NIBAN2: variants seen among roughly 807,000 people sequenced by gnomAD.
NIBAN2 encodes niban apoptosis regulator 2, also known as protein Niban 2.
In NIBAN2, 36 loss-of-function variants were observed where a neutral mutation model predicts 81.8. The ratio of observed to expected loss-of-function variants is 0.44; its 90% CI spans 0.34 to 0.58. NIBAN2 has a LOEUF of 0.58. NIBAN2 is among the 20% of genes least tolerant of loss of function. NIBAN2 has a pLI of 0.02. For missense variants in NIBAN2, 897 were observed against 1,014.1 expected (o/e 0.88, Z 1.57); for synonymous variants, 445 against 441.6 (o/e 1.01, Z -0.10).
At position 127,543,164 on chromosome 9, in the gene NIBAN2, G is replaced by A. The variant is rs534627323; in HGVS notation, c.56-11386C>T. On this transcript the variant is annotated intron_variant, in intron 1 of 13. Coordinates refer to ENST00000373312, the MANE Select transcript of NIBAN2 (RefSeq NM_022833.4). ...GGACTTCCAGTGCGAGATCATTCTC[G>A]ACTCTCAAAATGGCCCAGGGAGAAA... Among the ~76,000 whole-genome samples the A allele has an allele frequency of 2.4e-4, 36 of 152,290 alleles. No individual in the cohort carries two copies. In the South Asian group the frequency reaches 4.1e-3, roughly 18 times the overall value.
At chr9:127,569,833 G>A (rs544306787), upstream of NIBAN2, among the ~76,000 whole-genome samples, 1 of 152,374 alleles carries the variant, frequency 6.6e-6, no homozygotes, top group East Asian at 1.9e-4. Flanking sequence ...GGCGGCTTGG[G>A]GGACAGAGCA....
At chr9:127,523,924 G>T in intron 4 of NIBAN2, 78 bp from the exon 5 acceptor site, 1 of 1,494,196 alleles carries the variant, frequency 6.7e-7, no homozygotes, top group Non-Finnish European at 9.2e-7. Flanking sequence ...CTGATCCCTT[G>T]GCATCAGCTC....
intron 8 of NIBAN2, among the ~76,000 whole-genome samples, chr9:127,515,657 CA>C (rs1481877837): frequency 6.6e-6 from 1 of 151,656 alleles, no homozygotes; most frequent in East Asian, 1.9e-4. Flanking sequence ...GCCAACATGG[CA>C]AAACCCTGTC....
chr9:127,526,212 C>T (rs1837060062), intron 3 of NIBAN2, among the ~76,000 whole-genome samples: 1 of 151,878 alleles, frequency 6.6e-6, no homozygotes, highest in Admixed American at 6.6e-5. Flanking sequence ...CCATCCGGGC[C>T]AACATGGTGA....
In NIBAN2 at chr9:127,525,089, T is replaced by C. The variant is rs1041791062; in HGVS notation, c.390A>G (p.Gln130=). 6.8e-6 allele frequency: 11 copies of C among 1,614,034 alleles called. No homozygotes were observed. Among genetic ancestry groups the C allele is most frequent in the South Asian group, 1.1e-5 (1 of 91,088 alleles). The change falls in exon 4 of 14, where the codon CAA becomes CAG. Residue 130 remains glutamine (Q), a synonymous_variant. Transcript: ENST00000373312. ...AGYKILTSVD[Q]YLELIGNSLP... is the part of the protein sequence containing the mutation. ...AGGAGTTGCCAATGAGCTCCAGGTATTGGTCCACGGACGTGAGGATTTTGT... is the reference window on the plus strand; with the variant it reads ...AGGAGTTGCCAATGAGCTCCAGGTACTGGTCCACGGACGTGAGGATTTTGT...
chr9:127,527,560 G>T (rs563779127), intron 2 of NIBAN2, among the ~76,000 whole-genome samples: 3 of 152,212 alleles, frequency 2.0e-5, no homozygotes, highest in Non-Finnish European at 4.4e-5. Flanking sequence ...AGGCAGGGTG[G>T]TGATGCCAGG....
chr9:127,525,485 A>G (rs1837046116), intron 3 of NIBAN2, among the ~76,000 whole-genome samples: 1 of 152,162 alleles, frequency 6.6e-6, no homozygotes, highest in Admixed American at 6.5e-5. Flanking sequence ...AATATTCAGG[A>G]TGGGGAAAAC....
At chr9:127,575,778 C>T (rs893184085) in intron 1 of NIBAN2, among the ~76,000 whole-genome samples, 1 of 152,128 alleles carries the variant, frequency 6.6e-6, no homozygotes, top group Non-Finnish European at 1.5e-5. Flanking sequence ...GATCCGCCCG[C>T]CTTGGCTCCC....
intron 1 of NIBAN2, among the ~76,000 whole-genome samples, chr9:127,552,218 G>T (rs753784066): frequency 6.6e-6 from 1 of 152,170 alleles, no homozygotes; most frequent in African/African-American, 2.4e-5. Flanking sequence ...CAAACCATGC[G>T]GAATCAATGG....
rs574705265 is a variant in NIBAN2, at chr9:127,523,684, T to C, written c.584A>G (p.Asn195Ser). The change falls in exon 5 of 14, where the codon AAC (asparagine) becomes AGC (serine). Residue 195 changes from asparagine (N) to serine (S), a missense_variant. Coordinates refer to ENST00000373312, the MANE Select transcript of NIBAN2 (RefSeq NM_022833.4). ...TGCACCCACAGGCCACTCACCATTGTTGCAGTGCCGGATGCAGTCCTGCAG... is the reference window on the plus strand; with the variant it reads ...TGCACCCACAGGCCACTCACCATTGCTGCAGTGCCGGATGCAGTCCTGCAG... ...AVLQDCIRHC[N>S]NGIPEDSKVE... 1.2e-6 allele frequency: 2 copies of C among 1,610,100 alleles called. No homozygotes were observed. Among genetic ancestry groups the C allele is most frequent in the South Asian group, 1.1e-5 (1 of 91,018 alleles).
intron 8 of NIBAN2, among the ~76,000 whole-genome samples, 181 bp from the exon 9 acceptor site, chr9:127,510,514 G>A (rs1242021485): frequency 1.3e-5 from 2 of 152,168 alleles, no homozygotes; most frequent in African/African-American, 4.8e-5. Flanking sequence ...TCAGCTCACT[G>A]CAACCTCCAC....
Position 127,510,448 on chromosome 9 carries a change from T to A in NIBAN2, c.974-115A>T, listed in dbSNP as rs185865419. 255 of 676,858 alleles carry A rather than the reference T, an allele frequency of 3.8e-4. 3 individuals are homozygous for A. The highest frequency in any genetic ancestry group is 1.1e-3 in the South Asian group (24 of 21,454). 41.9% of individuals were successfully genotyped at this position (676,858 alleles called of 1,614,324 possible). On this transcript the variant is annotated intron_variant, in intron 8 of 13. Coordinates refer to ENST00000373312, the MANE Select transcript of NIBAN2 (RefSeq NM_022833.4). ...ACTATTATTATCATTATTATTATAT[T>A]TTTTTTGAGACGGAGTCTCGCTCTG... is the stretch of plus-strand genomic sequence containing the variant.
chr9:127,525,224 C>T, intron 3 of NIBAN2, 61 bp from the exon 4 acceptor site: 3 of 1,349,566 alleles, frequency 2.2e-6, no homozygotes, highest in Non-Finnish European at 3.2e-6. Context: ...CAAATCCCAC[C>T]TGGCTTCAAG....
At chr9:127,569,952 G>A (rs1421711808), upstream of NIBAN2, among the ~76,000 whole-genome samples, 1 of 152,202 alleles carries the variant, frequency 6.6e-6, no homozygotes, top group African/African-American at 2.4e-5. Context: ...TGGGTGGGTC[G>A]CAGTGCCAGG....
intron 1 of NIBAN2, among the ~76,000 whole-genome samples, chr9:127,539,156 A>G (rs986556723): frequency 1.3e-5 from 2 of 151,974 alleles, no homozygotes; most frequent in African/African-American, 4.8e-5. Flanking sequence ...AAAAGAAAGG[A>G]AGAAAAGTGA....
In NIBAN2 at chr9:127,511,906, C is replaced by T. The variant is rs544114457; in HGVS notation, c.974-1573G>A. 7.8e-4 allele frequency among the ~76,000 whole-genome samples: 119 copies of T among 152,246 alleles called. 1 individual carries two copies. The highest frequency in any genetic ancestry group is 3.4e-3 in the Middle Eastern group (1 of 294). ...AAACTACAATGAGATGCCACGTCAC[C>T]CCAGTTAAAATGGCTTTATCCAAAA... On this transcript the variant is annotated intron_variant, in intron 8 of 13. Coordinates refer to ENST00000373312, the MANE Select transcript of NIBAN2 (RefSeq NM_022833.4).
At position 127,527,278 on chromosome 9, in the gene NIBAN2, C is replaced by A. The variant is rs1294194236; in HGVS notation, c.231G>T (p.Gln77His). The change falls in exon 3 of 14, where the codon CAG becomes CAT. Residue 77 changes from glutamine to histidine, a missense_variant. Transcript: ENST00000373312. ...TCCACTTCTTGCTGTCCTCCTGGTG[C>A]TGGAAGAGGTTCCCCGAGAAGACGA... ...ERIVFSGNLF[Q>H]HQEDSKKWRN... The A allele has an allele frequency of 3.1e-6, 5 of 1,613,796 alleles. No individual in the cohort carries two copies. The African/African-American group carries it at 6.7e-5, about 22-fold the overall frequency.
intron 1 of NIBAN2, among the ~76,000 whole-genome samples, chr9:127,558,849 C>T (rs915588747): frequency 4.6e-5 from 7 of 152,198 alleles, no homozygotes; most frequent in African/African-American, 1.2e-4. Context: ...TCAGCTAAAA[C>T]GCAATTGCCA....
chr9:127,507,817 C>A lies in NIBAN2; in HGVS notation c.1654+50G>T, dbSNP rs752770642. On this transcript the variant is annotated intron_variant, in intron 13 of 13. Coordinates refer to ENST00000373312, the MANE Select transcript of NIBAN2 (RefSeq NM_022833.4). The surrounding 1 kb of genome is among the most constrained non-coding windows in gnomAD (Gnocchi z 6.8). ...CTCAGCTGCCACCACTTCTCAGCTG[C>A]GCCCCCAGCATCCTCCTGGCAACAG... 6.5e-7 allele frequency: 1 copy of A among 1,533,658 alleles called. No individual in the cohort carries two copies. Among genetic ancestry groups the A allele is most frequent in the South Asian group, 1.1e-5 (1 of 89,214 alleles).
Sources: allele counts gnomAD v4.1 joint callset (sites outside exome capture counted in the v4.1 genomes callset), GRCh38; gene constraint gnomAD v4.1.1; non-coding constraint Gnocchi (gnomAD v3.1); transcripts MANE v1.5; gene names NCBI Gene and HGNC (gene_info 2026-07-23, HGNC 2026-07-21).